The following PRIM2 variants were observed in gnomAD, a reference collection of about 807,000 sequenced individuals.
PRIM2 encodes DNA primase subunit 2, also known as DNA primase large subunit.
Under a neutral mutation model 67.3 loss-of-function variants are expected in PRIM2, and 39 were observed. The observed-to-expected ratio is 0.58, with a 90% CI of 0.45 to 0.76. PRIM2 has a LOEUF of 0.76. Ranked by LOEUF, PRIM2 falls within the 30% of genes least tolerant of loss-of-function variation. PRIM2 has a pLI of 0.00. For missense variants in PRIM2, 398 were observed against 598.7 expected, an observed-to-expected ratio of 0.66 and a Z score of 3.50; for synonymous variants, 143 against 198.7, an observed-to-expected ratio of 0.72 and a Z score of 2.36.
the PRIM2 span, among the ~76,000 whole-genome samples, chr6:57,282,669 A>G: frequency 6.6e-6 from 1 of 152,226 alleles, no homozygotes; most frequent in Non-Finnish European, 1.5e-5. Flanking sequence ...CAAAGAGGAT[A>G]TTAGGACTCA....
At chr6:57,294,762 T>C in the PRIM2 span, among the ~76,000 whole-genome samples, 43 of 152,014 alleles carry the variant, frequency 2.8e-4, no homozygotes, top group African/African-American at 9.9e-4. Flanking sequence ...AAAGTGTTCA[T>C]GGTAGTTATT....
chr6:57,432,739 T>C (rs1581899126), intron 7 of PRIM2, among the ~76,000 whole-genome samples: 1 of 152,342 alleles, frequency 6.6e-6, no homozygotes, highest in East Asian at 1.9e-4. Flanking sequence ...AAAAAATTCC[T>C]GTAGAACATT....
At chr6:57,321,490 G>C (rs369980365) in intron 3 of PRIM2, among the ~76,000 whole-genome samples, 1 of 152,032 alleles carries the variant, frequency 6.6e-6, no homozygotes, top group South Asian at 2.1e-4. Context: ...AGTGAGAAGA[G>C]ATGACAGTGG....
intron 7 of PRIM2, among the ~76,000 whole-genome samples, chr6:57,401,605 C>T (rs1361231812): frequency 6.6e-6 from 1 of 152,026 alleles, no homozygotes; most frequent in Non-Finnish European, 1.5e-5. Context: ...TCTGGATGTG[C>T]TCAGTGTTTA....
At chr6:57,338,289 A>T (rs1279619020) in intron 5 of PRIM2, among the ~76,000 whole-genome samples, 1 of 152,150 alleles carries the variant, frequency 6.6e-6, no homozygotes, top group African/African-American at 2.4e-5. Context: ...ACAAGGAGGA[A>T]CTGGTACCAT....
In PRIM2 at chr6:57,646,847, T is replaced by G. The variant is rs1777345652; in HGVS notation, c.*689T>G. 6.6e-6 allele frequency: 1 copy of G among 152,244 alleles called. No individual in the cohort carries two copies. Among genetic ancestry groups the G allele is most frequent in the South Asian group, 2.1e-4 (1 of 4,834 alleles). 9.4% of individuals were successfully genotyped at this position (152,244 alleles called of 1,614,324 possible). A position where few individuals can be genotyped will look rare whatever the true frequency, so the allele number is the denominator to read the frequency against. On this transcript the variant is annotated 3_prime_UTR_variant, in exon 14 of 14. Coordinates refer to ENST00000615550, the MANE Select transcript of PRIM2 (RefSeq NM_000947.5). ...CCATTTTTGTTAATAAATATCAAAG[T>G]GTACATGACAGTGTCTGCGTATAAT...
At chr6:57,642,652 AG>A (rs1777264507) in intron 13 of PRIM2, among the ~76,000 whole-genome samples, 1 of 151,888 alleles carries the variant, frequency 6.6e-6, no homozygotes, top group South Asian at 2.1e-4. Context: ...CGTGTTAGCC[AG>A]GATGGTCTCA....
chr6:57,392,670 T>C (rs1188558859), intron 7 of PRIM2, among the ~76,000 whole-genome samples: 4 of 151,866 alleles, frequency 2.6e-5, no homozygotes, highest in Non-Finnish European at 4.4e-5. Flanking sequence ...AATTTTTATT[T>C]ATTTTTATTA....
At chr6:57,295,140 T>A in the PRIM2 span, among the ~76,000 whole-genome samples, 4 of 152,188 alleles carry the variant, frequency 2.6e-5, no homozygotes, top group Non-Finnish European at 5.9e-5. Context: ...AATAAGGATA[T>A]GTTACTTCTA....
chr6:57,583,856 T>C (rs1239243418), intron 10 of PRIM2, among the ~76,000 whole-genome samples: 3 of 152,308 alleles, frequency 2.0e-5, no homozygotes, highest in Admixed American at 2.0e-4. Flanking sequence ...AGGTTTCCCA[T>C]TAAGTAACTG....
chr6:57,296,378 CAAAG>C, the PRIM2 span, among the ~76,000 whole-genome samples: 1 of 151,510 alleles, frequency 6.6e-6, no homozygotes, highest in Non-Finnish European at 1.5e-5. Flanking sequence ...TTTTAAAAGA[CAAAG>C]AAGGTCTGTA....
At chr6:57,366,879 C>T (rs1201587196) in intron 5 of PRIM2, among the ~76,000 whole-genome samples, 9 of 152,054 alleles carry the variant, frequency 5.9e-5, no homozygotes, top group East Asian at 1.9e-4. Context: ...TATGCTAGCA[C>T]GGTGTTCTCA....
chr6:57,614,849 C>G (rs1353949606), intron 12 of PRIM2, among the ~76,000 whole-genome samples: 1 of 151,842 alleles, frequency 6.6e-6, no homozygotes, highest in Non-Finnish European at 1.5e-5. Flanking sequence ...GACTCTGTCT[C>G]AAATATATAT....
intron 10 of PRIM2, among the ~76,000 whole-genome samples, chr6:57,539,648 GTGTGTGTGTATATATATA>G (rs1371559455): frequency 3.8e-5 from 3 of 78,954 alleles, no homozygotes; most frequent in Non-Finnish European, 5.5e-5. Flanking sequence ...GTGTGTGTGT[GTGTGTGTGTATATATATA>G]TATATATGCA....
In PRIM2 at chr6:57,329,519, T is replaced by C. The variant is rs543201210; in HGVS notation, c.459+3474T>C. ...TAGTTCCCATAATCCCCACGTGTCA[T>C]GGAAAGGACTTGGTGGGAGGTAACT... On this transcript the variant is annotated intron_variant, in intron 5 of 13. Transcript: ENST00000615550. Among the ~76,000 whole-genome samples the C allele has an allele frequency of 8.5e-5, 13 of 152,250 alleles. 1 individual carries two copies. Among genetic ancestry groups the C allele is most frequent in the African/African-American group, 3.1e-4 (13 of 41,516 alleles).
At chr6:57,433,713 C>A (rs1771908572) in intron 7 of PRIM2, among the ~76,000 whole-genome samples, 1 of 152,150 alleles carries the variant, frequency 6.6e-6, no homozygotes, top group Non-Finnish European at 1.5e-5. Context: ...ATTCAAGACA[C>A]TCAAAACAGA....
chr6:57,502,685 C>A (rs1437811649), intron 7 of PRIM2, among the ~76,000 whole-genome samples: 2 of 152,176 alleles, frequency 1.3e-5, no homozygotes, highest in Non-Finnish European at 2.9e-5. Context: ...GGCTTCCGGG[C>A]AGAGGCTACA....
intron 7 of PRIM2, among the ~76,000 whole-genome samples, chr6:57,457,219 A>G (rs1465011371): frequency 1.3e-5 from 2 of 152,170 alleles, no homozygotes; most frequent in African/African-American, 4.8e-5. Flanking sequence ...CCTCCCAGTG[A>G]GGCTACTTGG....
At chr6:57,320,403 T>C (rs1445859521) in intron 2 of PRIM2, 54 bp from the exon 3 acceptor site, 3 of 1,264,108 alleles carry the variant, frequency 2.4e-6, no homozygotes, top group Non-Finnish European at 3.3e-6. Flanking sequence ...GATTTTGTCT[T>C]GGATTTAGTT....
Sources: allele counts gnomAD v4.1 joint callset (sites outside exome capture counted in the v4.1 genomes callset), GRCh38; gene constraint gnomAD v4.1.1; transcripts MANE v1.5; gene names NCBI Gene and HGNC (gene_info 2026-07-23, HGNC 2026-07-21).